Variants in RNF6 observed in about 807,000 individuals in gnomAD.
RNF6 encodes ring finger protein 6.
In RNF6, 21 loss-of-function variants were observed where a neutral mutation model predicts 50.1. The ratio of observed to expected loss-of-function variants is 0.42; its 90% CI spans 0.30 to 0.60. RNF6 has a LOEUF of 0.60. Ranked by LOEUF, RNF6 falls within the 20% of genes least tolerant of loss-of-function variation. The pLI, the probability that RNF6 is intolerant of heterozygous loss-of-function variation, is 0.20. For missense variants in RNF6, 698 were observed against 838.2 expected (o/e 0.83, Z 2.07); for synonymous variants, 255 against 291.8 (o/e 0.87, Z 1.29).
intron 5 of RNF6, among the ~76,000 whole-genome samples, chr13:26,192,093 G>C (rs1868486877): frequency 6.6e-6 from 1 of 152,204 alleles, no homozygotes; most frequent in Admixed American, 6.5e-5. Context: ...GATAGCCGGG[G>C]ATGAGATCAT....
chr13:26,216,252 G>A (rs1593197407), intron 4 of RNF6, among the ~76,000 whole-genome samples: 1 of 152,062 alleles, frequency 6.6e-6, no homozygotes, highest in Non-Finnish European at 1.5e-5. Flanking sequence ...AATCTCATAG[G>A]GTTATCCTGA....
intron 5 of RNF6, among the ~76,000 whole-genome samples, chr13:26,170,420 T>C (rs1593163732): frequency 1.3e-5 from 2 of 152,274 alleles, no homozygotes; most frequent in East Asian, 3.9e-4. Context: ...AATCCTTGGG[T>C]GAAGGAATTT....
chr13:26,152,741 A>G (rs17083325), intron 5 of RNF6, among the ~76,000 whole-genome samples: 6,765 of 152,290 alleles, frequency 0.044, 232 homozygotes, highest in African/African-American at 0.091. Flanking sequence ...TCCTGGGAGA[A>G]ACAAAACTAG....
chr13:26,207,182 G>A (rs1182333145), intron 5 of RNF6, among the ~76,000 whole-genome samples: 1 of 151,474 alleles, frequency 6.6e-6, no homozygotes, highest in African/African-American at 2.4e-5. Context: ...GAATTAACCA[G>A]AGAGGCCAGA....
intron 5 of RNF6, among the ~76,000 whole-genome samples, chr13:26,160,548 T>TA (rs1872160228): frequency 6.9e-6 from 1 of 145,138 alleles, no homozygotes; most frequent in South Asian, 2.1e-4. Context: ...CTTCTTCTTT[T>TA]TTTTTTTTTT....
rs993298877 is a variant in RNF6, at chr13:26,149,929, T to C, written n.769-17478A>G. On this transcript the variant is annotated intron_variant and non_coding_transcript_variant, in intron 5 of 5. Transcript: ENST00000468480. Reference sequence around the variant, plus strand: ...AGTGTATATATAATGTGTATATATATATACACAGTGTATATATAATGTGTA... The same window carrying C: ...AGTGTATATATAATGTGTATATATACATACACAGTGTATATATAATGTGTA... Among the ~76,000 whole-genome samples, 4 of 95,668 alleles carry C rather than the reference T, an allele frequency of 4.2e-5. 1 individual carries two copies. Among genetic ancestry groups the C allele is most frequent in the African/African-American group, 1.6e-4 (4 of 25,220 alleles). 62.8% of individuals were successfully genotyped at this position (95,668 alleles called of 152,430 possible).
At chr13:26,202,018 G>A (rs888117333) in intron 5 of RNF6, among the ~76,000 whole-genome samples, 7 of 152,130 alleles carry the variant, frequency 4.6e-5, no homozygotes, top group African/African-American at 9.7e-5. Flanking sequence ...AAGAAAGAGC[G>A]GTTTGTGCCA....
intron 5 of RNF6, among the ~76,000 whole-genome samples, chr13:26,164,298 T>C (rs1872346081): frequency 6.6e-6 from 1 of 152,204 alleles, no homozygotes; most frequent in Non-Finnish European, 1.5e-5. Context: ...TGATTTGATA[T>C]AGGCTAGAGC....
intron 5 of RNF6, among the ~76,000 whole-genome samples, chr13:26,166,513 A>C (rs1372397501): frequency 6.6e-6 from 1 of 152,216 alleles, no homozygotes; most frequent in Non-Finnish European, 1.5e-5. Flanking sequence ...AAGTTTCAGG[A>C]TACAAAATCA....
downstream of RNF6, among the ~76,000 whole-genome samples, chr13:26,210,826 C>T (rs980313135): frequency 2.2e-4 from 34 of 152,202 alleles, 1 homozygote; most frequent in Admixed American, 2.2e-3. Flanking sequence ...AGGAAAATAA[C>T]CTCGTAAGAG....
At chr13:26,162,398 G>A (rs903466468) in intron 5 of RNF6, among the ~76,000 whole-genome samples, 7 of 152,162 alleles carry the variant, frequency 4.6e-5, no homozygotes, top group Admixed American at 4.6e-4. Flanking sequence ...GCCTCCTGAG[G>A]AAAACCTGGT....
intron 5 of RNF6, among the ~76,000 whole-genome samples, chr13:26,172,570 A>C (rs1187647495): frequency 6.7e-6 from 1 of 149,538 alleles, no homozygotes; most frequent in Non-Finnish European, 1.5e-5. Context: ...TTGAGATGGA[A>C]TCTTGCTCTG....
At chr13:26,150,407 A>T (rs1055763111) in intron 5 of RNF6, among the ~76,000 whole-genome samples, 3 of 152,180 alleles carry the variant, frequency 2.0e-5, no homozygotes, top group African/African-American at 7.2e-5. Context: ...TGCAAGAGTG[A>T]CCTAAGCCAT....
intron 5 of RNF6, among the ~76,000 whole-genome samples, chr13:26,193,385 C>G (rs1467479682): frequency 6.6e-6 from 1 of 151,878 alleles, no homozygotes; most frequent in Non-Finnish European, 1.5e-5. Flanking sequence ...ATCTTGGAAG[C>G]TATGGAAAGA....
Position 26,177,446 on chromosome 13 carries a change from A to G in RNF6, n.768+38028T>C, listed in dbSNP as rs562827950. The stretch of plus-strand genomic sequence containing the variant: ...TCCTCTTCCTCTGCCCTTCTCTAAC[A>G]TGTCACTGTCCATCAGTCAGAGTTC... On this transcript the variant is annotated intron_variant and non_coding_transcript_variant, in intron 5 of 5. Transcript: ENST00000468480. 2.3e-4 allele frequency among the ~76,000 whole-genome samples: 35 copies of G among 152,276 alleles called. No homozygotes were observed. In the South Asian group the frequency reaches 3.1e-3, roughly 14 times the overall value.
At chr13:26,199,069 C>A (rs1868793085) in intron 5 of RNF6, among the ~76,000 whole-genome samples, 1 of 151,768 alleles carries the variant, frequency 6.6e-6, no homozygotes, top group East Asian at 1.9e-4. Flanking sequence ...TCTATAGATT[C>A]AGTGCAATCC....
intron 5 of RNF6, among the ~76,000 whole-genome samples, chr13:26,161,774 G>T (rs182392244): frequency 1.3e-5 from 2 of 152,244 alleles, no homozygotes; most frequent in East Asian, 3.9e-4. Flanking sequence ...GAATTCCTCA[G>T]CTGTTTTTGT....
At position 26,145,606 on chromosome 13, in the gene RNF6, T is replaced by G. The variant is rs540730360; in HGVS notation, n.769-13155A>C. Among the ~76,000 whole-genome samples, 14 of 152,310 alleles carry G rather than the reference T, an allele frequency of 9.2e-5. No individual in the cohort carries two copies. In the South Asian group the frequency reaches 2.9e-3, roughly 32 times the overall value. ...CTTCCCCTTCACCTTCCACCATGAT[T>G]GTAAGTTTCCTGAGGCCTCCCCAGA... On this transcript the variant is annotated intron_variant and non_coding_transcript_variant, in intron 5 of 5. Transcript: ENST00000468480.
intron 5 of RNF6, among the ~76,000 whole-genome samples, chr13:26,144,184 G>A (rs1187729313): frequency 2.0e-5 from 3 of 152,020 alleles, no homozygotes; most frequent in African/African-American, 7.2e-5. Flanking sequence ...GGAAGTCCCT[G>A]TTGCTGAACC....
Sources: allele counts gnomAD v4.1 joint callset (sites outside exome capture counted in the v4.1 genomes callset), GRCh38; gene constraint gnomAD v4.1.1; transcripts MANE v1.5; gene names NCBI Gene and HGNC (gene_info 2026-07-23, HGNC 2026-07-21).